LZTFL1: variants seen among roughly 807,000 people sequenced by gnomAD.
The protein encoded by LZTFL1 is leucine zipper transcription factor-like protein 1.
A neutral mutation model predicts 45.9 loss-of-function variants in LZTFL1; 25 were observed. The ratio of observed to expected loss-of-function variants is 0.54; its 90% CI spans 0.40 to 0.76. LZTFL1 has a LOEUF of 0.76. LZTFL1 is among the 30% of genes least tolerant of loss of function. LZTFL1 has a pLI of 0.00. For missense variants in LZTFL1, 277 were observed against 331.1 expected, an observed-to-expected ratio of 0.84 and a Z score of 1.27; for synonymous variants, 93 against 117.4, an observed-to-expected ratio of 0.79 and a Z score of 1.35.
intron 4 of LZTFL1, among the ~76,000 whole-genome samples, chr3:45,834,034 C>T (rs888716987): frequency 6.6e-6 from 1 of 152,222 alleles, no homozygotes; most frequent in Non-Finnish European, 1.5e-5. Flanking sequence ...TGTAAGCCAT[C>T]ACAGACAAAA....
intron 2 of LZTFL1, among the ~76,000 whole-genome samples, chr3:45,863,522 A>G (rs1701527432): frequency 1.3e-5 from 2 of 152,206 alleles, no homozygotes; most frequent in Non-Finnish European, 2.9e-5. Context: ...CCTCACCTAA[A>G]GGTTGATCCT....
Position 45,901,483 on chromosome 3 carries a change from G to C in LZTFL1, c.-215+11637C>G. ...TTCCTTCCCTTCGTGGTCATGGCTT[G>C]CTGCTATACCATCATCATTCACACC... On this transcript the variant is annotated intron_variant, in intron 2 of 4. Coordinates refer to the LZTFL1 transcript ENST00000472635. The surrounding 1 kb of genome is among the most constrained non-coding windows in gnomAD (Gnocchi z 4.3). The C allele has an allele frequency of 6.2e-7, 1 of 1,614,136 alleles. No individual in the cohort carries two copies. Among genetic ancestry groups the C allele is most frequent in the Non-Finnish European group, 8.5e-7 (1 of 1,180,028 alleles).
At chr3:45,886,852 G>A (rs1701994839) in intron 2 of LZTFL1, among the ~76,000 whole-genome samples, 2 of 152,114 alleles carry the variant, frequency 1.3e-5, no homozygotes, top group South Asian at 4.1e-4. Context: ...TGTAGGGCGA[G>A]TAATAAAACT....
intron 2 of LZTFL1, among the ~76,000 whole-genome samples, chr3:45,860,381 T>C (rs1025320723): frequency 5.3e-5 from 8 of 152,034 alleles, no homozygotes; most frequent in Admixed American, 1.3e-4. Flanking sequence ...TGTGTGTTAG[T>C]TGGGAAGAAC....
chr3:45,891,626 C>T (rs749837188), intron 2 of LZTFL1, among the ~76,000 whole-genome samples: 1 of 152,144 alleles, frequency 6.6e-6, no homozygotes, highest in Non-Finnish European at 1.5e-5. Context: ...CCGGATGCAG[C>T]ACTATCATCG....
intron 2 of LZTFL1, among the ~76,000 whole-genome samples, chr3:45,891,548 T>G (rs1702179816): frequency 6.6e-6 from 1 of 152,218 alleles, no homozygotes; most frequent in Non-Finnish European, 1.5e-5. Flanking sequence ...CTTCAGGGGA[T>G]AATTCCTAAG....
intron 2 of LZTFL1, among the ~76,000 whole-genome samples, chr3:45,877,232 CTTTT>C (rs565054826): frequency 2.2e-5 from 3 of 139,064 alleles, no homozygotes; most frequent in Non-Finnish European, 3.1e-5. Context: ...ACAAGCATCT[CTTTT>C]TTTTTTTTTT....
chr3:45,849,320 G>A (rs1035722000), intron 4 of LZTFL1, among the ~76,000 whole-genome samples: 3 of 152,156 alleles, frequency 2.0e-5, no homozygotes, highest in Non-Finnish European at 4.4e-5. Context: ...TAGCAAACAC[G>A]GGCACCAATA....
chr3:45,897,379 G>A (rs898659245), intron 2 of LZTFL1, among the ~76,000 whole-genome samples: 6 of 152,136 alleles, frequency 3.9e-5, no homozygotes, highest in Admixed American at 1.3e-4. Flanking sequence ...GCAAAAGCAC[G>A]AGGTCCTTAA....
upstream of LZTFL1, chr3:45,842,204 A>AGCCC: frequency 6.3e-6 from 9 of 1,428,752 alleles, no homozygotes; most frequent in South Asian, 1.3e-4. Context: ...AGTATTGCGT[A>AGCCC]ACCGGTTGAC....
intron 2 of LZTFL1, among the ~76,000 whole-genome samples, chr3:45,859,636 T>C (rs1336341629): frequency 2.0e-5 from 3 of 147,426 alleles, no homozygotes; most frequent in African/African-American, 7.7e-5. Flanking sequence ...GAACATTACA[T>C]GGCTTTTTTT....
Position 45,827,427 on chromosome 3 carries a change from A to T in LZTFL1, c.810T>A (p.Ala270=). 1 of 1,613,784 alleles carries T rather than the reference A, an allele frequency of 6.2e-7. No individual in the cohort carries two copies. The highest frequency in any genetic ancestry group is 8.5e-7 in the Non-Finnish European group (1 of 1,179,718). The change falls in exon 9 of 10, where the codon GCT becomes GCA. Residue 270 remains alanine, a synonymous_variant. Transcript: ENST00000296135. Reference sequence around the variant, plus strand: ...TAAGAATCTCTTTCATGTTTCGATAAGCTGCTGTTTGCTGAAATTTCTTTT... The same window carrying T: ...TAAGAATCTCTTTCATGTTTCGATATGCTGCTGTTTGCTGAAATTTCTTTT... The part of the protein sequence containing the change: ...ELEKKFQQTA[A]YRNMKEILTK...
chr3:45,836,017 T>C (rs1315192241), intron 2 of LZTFL1, among the ~76,000 whole-genome samples: 1 of 152,214 alleles, frequency 6.6e-6, no homozygotes, highest in African/African-American at 2.4e-5. Context: ...TACAAGTAAA[T>C]GCTCAAACAC....
intron 8 of LZTFL1, among the ~76,000 whole-genome samples, chr3:45,827,875 A>T (rs1700709896): frequency 6.6e-6 from 1 of 151,738 alleles, no homozygotes; most frequent in Non-Finnish European, 1.5e-5. Context: ...AAAATTTTTA[A>T]TTTTTTTATA....
intron 2 of LZTFL1, among the ~76,000 whole-genome samples, chr3:45,879,382 A>G (rs554829088): frequency 6.6e-6 from 1 of 152,370 alleles, no homozygotes; most frequent in South Asian, 2.1e-4. Context: ...CCTTAAATCC[A>G]TATCAGTAAG....
upstream of LZTFL1, among the ~76,000 whole-genome samples, chr3:45,844,683 T>C (rs1337156941): frequency 1.3e-5 from 2 of 152,174 alleles, no homozygotes; most frequent in Non-Finnish European, 2.9e-5. Context: ...GCTGAGAAAG[T>C]AGCCAAGACC....
At chr3:45,895,157 G>A in intron 2 of LZTFL1, 1 of 610,968 alleles carries the variant, frequency 1.6e-6, no homozygotes, top group Non-Finnish European at 2.9e-6. Flanking sequence ...GCTATGCTTT[G>A]GGGTATGTTG....
rs187541113 is a variant in LZTFL1, at chr3:45,883,209, T to C, written c.-214-24193A>G. On this transcript the variant is annotated intron_variant, in intron 2 of 4. Coordinates refer to the LZTFL1 transcript ENST00000472635. ...TTTTTGAAAATTAAACACGGTCTCA[T>C]TTTCTGCAAAGTTTTTATTCATGAA... is the stretch of plus-strand genomic sequence containing the variant. 2.6e-3 allele frequency among the ~76,000 whole-genome samples: 391 copies of C among 152,342 alleles called. 10 individuals are homozygous for C. The highest frequency in any genetic ancestry group is 3.4e-3 in the Middle Eastern group (1 of 294).
chr3:45,895,691 G>T (rs1702331444), intron 2 of LZTFL1, among the ~76,000 whole-genome samples: 1 of 151,312 alleles, frequency 6.6e-6, no homozygotes, highest in African/African-American at 2.4e-5. Flanking sequence ...TCCAGCCTGG[G>T]CAACAGAGCG....
Sources: allele counts gnomAD v4.1 joint callset (sites outside exome capture counted in the v4.1 genomes callset), GRCh38; gene constraint gnomAD v4.1.1; non-coding constraint Gnocchi (gnomAD v3.1); transcripts MANE v1.5; gene names NCBI Gene and HGNC (gene_info 2026-07-23, HGNC 2026-07-21).